Variants in ARHGAP15 observed in about 807,000 individuals in gnomAD.
ARHGAP15 encodes rho GTPase-activating protein 15.
In ARHGAP15, 51 loss-of-function variants were observed where a neutral mutation model predicts 63.7. The ratio of observed to expected loss-of-function variants is 0.80; its 90% CI spans 0.64 to 1.01. The LOEUF (loss-of-function observed/expected upper bound fraction) is 1.01. Among genes scored for constraint, ARHGAP15 ranks in the 50% least tolerant of loss-of-function variants. ARHGAP15 has a pLI of 0.00. For synonymous variants in ARHGAP15, 191 were observed against 193.8 expected (o/e 0.99, Z 0.12); for missense variants, 560 against 564.6 (o/e 0.99, Z 0.08).
intron 10 of ARHGAP15, among the ~76,000 whole-genome samples, chr2:143,523,859 T>G (rs1445690219): frequency 6.6e-6 from 1 of 152,172 alleles, no homozygotes; most frequent in Non-Finnish European, 1.5e-5. Flanking sequence ...ATTACTGAAC[T>G]ATACACTTAA....
At chr2:143,619,976 C>T (rs965077093) in intron 11 of ARHGAP15, among the ~76,000 whole-genome samples, 1 of 152,160 alleles carries the variant, frequency 6.6e-6, no homozygotes, top group South Asian at 2.1e-4. Context: ...TGATCCCGTT[C>T]AAGAAACTGC....
chr2:143,560,550 T>C (rs1488995386), intron 11 of ARHGAP15, among the ~76,000 whole-genome samples: 1 of 152,216 alleles, frequency 6.6e-6, no homozygotes, highest in African/African-American at 2.4e-5. Flanking sequence ...GCATTTCCAA[T>C]TCATCAGCTG....
chr2:143,703,665 A>T (rs1374210410), intron 13 of ARHGAP15, 141 bp downstream of exon 13: 27 of 610,876 alleles, frequency 4.4e-5, no homozygotes, highest in Non-Finnish European at 7.5e-5. Flanking sequence ...GTCTTTCTGC[A>T]GAAGCTGGAG....
intron 3 of ARHGAP15, among the ~76,000 whole-genome samples, chr2:143,215,072 T>G (rs547357710): frequency 5.2e-4 from 79 of 152,346 alleles, no homozygotes; most frequent in Non-Finnish European, 1.0e-3. Flanking sequence ...GTACAGTTTT[T>G]TGCCTTTGAT....
At position 143,519,289 on chromosome 2, in the gene ARHGAP15, C is replaced by T. The variant is rs761053868; in HGVS notation, c.850C>T (p.His284Tyr). ...IKDQIFGSHL[H>Y]KVCERENSTV... ...AGATCAAATTTTTGGCTCTCATCTG[C>T]ACAAAGTGTGTGAACGTGAAAATTC... Residue 284 changes from histidine to tyrosine, a missense_variant, in exon 10 of 14, where the codon CAC becomes TAC. By Grantham distance (83) the His-to-Tyr change is moderately conservative (BLOSUM62 2). Transcript: ENST00000295095. The T allele has an allele frequency of 3.5e-5, 57 of 1,612,992 alleles. No homozygotes were observed. In the Admixed American group the frequency reaches 9.5e-4, roughly 27 times the overall value.
At chr2:143,425,533 G>A (rs992465470) in intron 6 of ARHGAP15, among the ~76,000 whole-genome samples, 6 of 151,714 alleles carry the variant, frequency 4.0e-5, no homozygotes, top group Non-Finnish European at 8.8e-5. Context: ...TATATGTTTT[G>A]TAAACCACTA....
At chr2:143,574,656 G>A (rs1006699857) in intron 11 of ARHGAP15, among the ~76,000 whole-genome samples, 1 of 152,114 alleles carries the variant, frequency 6.6e-6, no homozygotes, top group African/African-American at 2.4e-5. Flanking sequence ...AGTGTCTCAT[G>A]CCAGTGGCAG....
chr2:143,730,404 CT>C (rs1559149459), intron 13 of ARHGAP15, among the ~76,000 whole-genome samples: 46 of 82,664 alleles, frequency 5.6e-4, no homozygotes, highest in African/African-American at 1.2e-3. Flanking sequence ...TGCAATATTT[CT>C]TTGTCTTTCA....
At chr2:143,195,701 G>A (rs1185366177) in intron 2 of ARHGAP15, among the ~76,000 whole-genome samples, 3 of 152,136 alleles carry the variant, frequency 2.0e-5, no homozygotes, top group Admixed American at 6.5e-5. Context: ...TGGGAGGTAC[G>A]CCTCAGAAAC....
At chr2:143,719,728 T>C (rs1350103534) in intron 13 of ARHGAP15, among the ~76,000 whole-genome samples, 7 of 152,226 alleles carry the variant, frequency 4.6e-5, no homozygotes, top group Non-Finnish European at 5.9e-5. Flanking sequence ...TGTCCTACTA[T>C]ATTTTTCTAA....
At chr2:143,549,952 C>A (rs1695484310) in intron 10 of ARHGAP15, among the ~76,000 whole-genome samples, 2 of 152,104 alleles carry the variant, frequency 1.3e-5, no homozygotes, top group African/African-American at 4.8e-5. Flanking sequence ...GTACCCATGA[C>A]CACTGTTTAA....
rs75235437 is a variant in ARHGAP15, at chr2:143,697,066, G to A, written c.1139-6353G>A. ...TTGCAAATTGCCAACTACGGGCTAC[G>A]CTCAAGGCGGTGGTTTTTCCTTGTT... On this transcript the variant is annotated intron_variant, in intron 12 of 13. Coordinates refer to ENST00000295095, the MANE Select transcript of ARHGAP15 (RefSeq NM_018460.4). 2.9e-4 allele frequency among the ~76,000 whole-genome samples: 44 copies of A among 152,258 alleles called. No homozygotes were observed. The East Asian group carries it at 4.8e-3, about 17-fold the overall frequency.
At chr2:143,204,602 A>G (rs1377441957) in intron 3 of ARHGAP15, among the ~76,000 whole-genome samples, 1 of 152,102 alleles carries the variant, frequency 6.6e-6, no homozygotes, top group Non-Finnish European at 1.5e-5. Context: ...TTAAGGGGAA[A>G]CAAACATTCG....
chr2:143,292,689 T>A (rs1682460830), intron 6 of ARHGAP15, among the ~76,000 whole-genome samples: 1 of 152,046 alleles, frequency 6.6e-6, no homozygotes. Flanking sequence ...TAAGAAAATC[T>A]TATTTTAGTT....
chr2:143,174,681 G>T (rs753837651), intron 2 of ARHGAP15, among the ~76,000 whole-genome samples: 3 of 152,078 alleles, frequency 2.0e-5, no homozygotes, highest in Non-Finnish European at 4.4e-5. Context: ...TAGAAATTAT[G>T]CAGCACTTTT....
At chr2:143,254,310 A>T (rs1680310208) in intron 6 of ARHGAP15, among the ~76,000 whole-genome samples, 1 of 152,070 alleles carries the variant, frequency 6.6e-6, no homozygotes, top group African/African-American at 2.4e-5. Context: ...AAGCGGGGCT[A>T]CTGTCACCTT....
intron 3 of ARHGAP15, among the ~76,000 whole-genome samples, chr2:143,216,153 C>T (rs747903533): frequency 1.5e-4 from 23 of 152,236 alleles, no homozygotes; most frequent in Non-Finnish European, 2.8e-4. Flanking sequence ...AGGTGTATCA[C>T]TATCTAACAA....
intron 8 of ARHGAP15, among the ~76,000 whole-genome samples, chr2:143,476,076 G>A (rs1691802274): frequency 6.6e-6 from 1 of 152,124 alleles, no homozygotes; most frequent in Non-Finnish European, 1.5e-5. Flanking sequence ...AATACCCTGA[G>A]AATTACCCTC....
At chr2:143,552,548 A>G (rs1449640992) in intron 10 of ARHGAP15, among the ~76,000 whole-genome samples, 1 of 142,254 alleles carries the variant, frequency 7.0e-6, no homozygotes, top group Admixed American at 6.8e-5. Context: ...AAGCTTCTTC[A>G]GGAGAAAAAA....
Sources: gnomAD v4.1 joint callset for allele counts (sites outside exome capture counted in the v4.1 genomes callset) on GRCh38, gnomAD v4.1.1 for gene constraint, MANE v1.5 for transcripts, NCBI Gene and HGNC (gene_info 2026-07-23, HGNC 2026-07-21) for gene names.